The following MTSS1 variants were observed in gnomAD, a reference collection of about 807,000 sequenced individuals.
MTSS1 encodes the protein protein MTSS 1.
A neutral mutation model predicts 79.0 loss-of-function variants in MTSS1; 18 were observed. The ratio of observed to expected loss-of-function variants is 0.23; its 90% confidence interval spans 0.16 to 0.34. MTSS1 has a LOEUF of 0.34. Ranked by LOEUF, MTSS1 falls within the 10% of genes least tolerant of loss-of-function variation. The probability of loss-of-function intolerance (pLI) is 1.00; values close to 1 mark genes in which losing one functional copy is unlikely to be tolerated. For missense variants in MTSS1, 815 were observed against 986.2 expected (o/e 0.83, Z 2.33); for synonymous variants, 341 against 368.6 (o/e 0.93, Z 0.86).
intron 9 of MTSS1, among the ~76,000 whole-genome samples, chr8:124,563,962 C>G (rs1825841970): frequency 6.6e-6 from 1 of 152,038 alleles, no homozygotes; most frequent in African/African-American, 2.4e-5. Context: ...GAAACCCCGC[C>G]TCTGATAAAA....
chr8:124,555,287 C>G (rs1434586212), intron 13 of MTSS1, among the ~76,000 whole-genome samples: 2 of 152,088 alleles, frequency 1.3e-5, no homozygotes, highest in Non-Finnish European at 1.5e-5. Flanking sequence ...GCTCTGTCAC[C>G]CGGGCTGGAG....
intron 13 of MTSS1, among the ~76,000 whole-genome samples, chr8:124,554,764 A>G (rs945374376): frequency 2.0e-5 from 3 of 152,254 alleles, no homozygotes; most frequent in East Asian, 3.8e-4. Context: ...AATAGGGGTG[A>G]AAATACCTAC....
At chr8:124,641,020 C>T (rs901130332) in intron 3 of MTSS1, among the ~76,000 whole-genome samples, 1 of 151,368 alleles carries the variant, frequency 6.6e-6, no homozygotes, top group Non-Finnish European at 1.5e-5. Flanking sequence ...CGTGTATGTA[C>T]TATTTTGGTT....
intron 6 of MTSS1, among the ~76,000 whole-genome samples, chr8:124,573,907 T>C (rs538573062): frequency 6.6e-5 from 10 of 152,284 alleles, no homozygotes; most frequent in African/African-American, 2.4e-4. Flanking sequence ...GGGGATATCA[T>C]GATGATTCTC....
chr8:124,666,736 A>G (rs1037045157), intron 3 of MTSS1, among the ~76,000 whole-genome samples: 1 of 152,168 alleles, frequency 6.6e-6, no homozygotes, highest in African/African-American at 2.4e-5. Flanking sequence ...AGGAGGGGTC[A>G]TCAGCGCAGA....
chr8:124,567,838 C>A (rs1186613987), intron 7 of MTSS1: 1 of 1,496,316 alleles, frequency 6.7e-7, no homozygotes, highest in Admixed American at 2.3e-5. Flanking sequence ...ACCTTCGAAT[C>A]AGCTTCCAGA....
intron 3 of MTSS1, among the ~76,000 whole-genome samples, chr8:124,629,566 T>C (rs932866108): frequency 1.3e-5 from 2 of 151,212 alleles, no homozygotes; most frequent in African/African-American, 4.9e-5. Flanking sequence ...GCTGGATACT[T>C]AGCTATAGCG....
chr8:124,637,113 C>T (rs1222302501), intron 3 of MTSS1, among the ~76,000 whole-genome samples: 1 of 152,188 alleles, frequency 6.6e-6, no homozygotes, highest in African/African-American at 2.4e-5. Context: ...TGAGGAAACG[C>T]AGCCCTGCCT....
At chr8:124,568,835 A>G in intron 6 of MTSS1, 1 of 1,438,504 alleles carries the variant, frequency 7.0e-7, no homozygotes, top group Non-Finnish European at 9.1e-7. Flanking sequence ...TCTTCTGCCA[A>G]CACAACCCTG....
At chr8:124,624,358 C>A (rs1814234884) in intron 3 of MTSS1, among the ~76,000 whole-genome samples, 1 of 152,164 alleles carries the variant, frequency 6.6e-6, no homozygotes, top group South Asian at 2.1e-4. Context: ...AGATCCTCAG[C>A]CCAGGTTGTA....
chr8:124,575,584 G>GTTGTTGT (rs1554646294), intron 6 of MTSS1, among the ~76,000 whole-genome samples: 1 of 151,662 alleles, frequency 6.6e-6, no homozygotes. Context: ...TTTTGTTGTT[G>GTTGTTGT]TTGTTTGTTT....
chr8:124,691,112 T>C (rs1327505543), intron 3 of MTSS1, among the ~76,000 whole-genome samples: 1 of 152,226 alleles, frequency 6.6e-6, no homozygotes, highest in East Asian at 1.9e-4. Flanking sequence ...AGCAGACGTA[T>C]ATGACTAAAT....
At chr8:124,649,782 T>C (rs1819625681) in intron 3 of MTSS1, among the ~76,000 whole-genome samples, 1 of 152,058 alleles carries the variant, frequency 6.6e-6, no homozygotes, top group Non-Finnish European at 1.5e-5. Context: ...TGTTGAGTCA[T>C]AGAAAGGCAC....
chr8:124,642,160 C>T (rs1420394260), intron 3 of MTSS1, among the ~76,000 whole-genome samples: 1 of 152,152 alleles, frequency 6.6e-6, no homozygotes, highest in African/African-American at 2.4e-5. Flanking sequence ...TATTTAAACT[C>T]TGAAACGAGG....
intron 1 of MTSS1, among the ~76,000 whole-genome samples, chr8:124,720,481 T>C (rs1248734512): frequency 2.0e-5 from 3 of 151,986 alleles, no homozygotes. Context: ...AAAGCAACTT[T>C]CCCTCCCCCA....
chr8:124,575,390 G>A (rs987249463), intron 6 of MTSS1, among the ~76,000 whole-genome samples: 1 of 152,082 alleles, frequency 6.6e-6, no homozygotes, highest in Non-Finnish European at 1.5e-5. Context: ...TAACAGTATT[G>A]AGCTCACAGG....
At chr8:124,627,547 G>A (rs890338081) in intron 3 of MTSS1, among the ~76,000 whole-genome samples, 2 of 152,246 alleles carry the variant, frequency 1.3e-5, no homozygotes, top group African/African-American at 4.8e-5. Flanking sequence ...CCACAGCACA[G>A]GGCCACAGCC....
chr8:124,675,367 GGT>G (rs1825086796), intron 3 of MTSS1, among the ~76,000 whole-genome samples: 1 of 152,240 alleles, frequency 6.6e-6, no homozygotes, highest in Non-Finnish European at 1.5e-5. Context: ...TATGTGTAAA[GGT>G]GTGTTTGGTT....
intron 3 of MTSS1, among the ~76,000 whole-genome samples, chr8:124,671,302 TCTC>T (rs1228196228): frequency 6.6e-6 from 1 of 152,006 alleles, no homozygotes; most frequent in East Asian, 1.9e-4. Flanking sequence ...CTACCCCCGT[TCTC>T]CACTCCAGAG....
Sources: gnomAD v4.1 joint callset for allele counts (sites outside exome capture counted in the v4.1 genomes callset) on GRCh38, gnomAD v4.1.1 for gene constraint, MANE v1.5 for transcripts, NCBI Gene and HGNC (gene_info 2026-07-23, HGNC 2026-07-21) for gene names.